Variants in PSMD8 observed in about 807,000 individuals in gnomAD.
PSMD8 encodes 26S proteasome non-ATPase regulatory subunit 8.
PSMD8 carries 30 observed loss-of-function variants against 40.0 expected under a neutral mutation model. That is an observed-to-expected ratio of 0.75 (90% CI 0.56 to 1.02). The LOEUF is 1.02. Among genes scored for constraint, PSMD8 ranks in the 50% least tolerant of loss-of-function variants. The pLI, the probability that PSMD8 is intolerant of heterozygous loss-of-function variation, is 0.00. For synonymous variants in PSMD8, 208 were observed against 192.5 expected, an observed-to-expected ratio of 1.08 and a Z score of -0.67; for missense variants, 461 against 463.9, an observed-to-expected ratio of 0.99 and a Z score of 0.06.
At chr19:38,376,266 T>A in intron 2 of PSMD8, 34 bp downstream of exon 2, 1 of 1,563,038 alleles carries the variant, frequency 6.4e-7, no homozygotes, top group Non-Finnish European at 8.7e-7. Flanking sequence ...GGGGTGATAA[T>A]CTGGGGGTCA....
At chr19:38,381,546 T>G (rs1970640534) in intron 5 of PSMD8, among the ~76,000 whole-genome samples, 1 of 152,124 alleles carries the variant, frequency 6.6e-6, no homozygotes, top group Non-Finnish European at 1.5e-5. Context: ...TTTCCATGCC[T>G]TAGGTGCAAA....
At chr19:38,382,344 G>C (rs770051448) in intron 6 of PSMD8, 116 bp downstream of exon 6, 32 of 807,114 alleles carry the variant, frequency 4.0e-5, no homozygotes, top group Admixed American at 2.2e-4. Context: ...GTTCAACTGT[G>C]TGACTCTAGG....
At chr19:38,377,291 C>T (rs967105572) in intron 3 of PSMD8, among the ~76,000 whole-genome samples, 5 of 151,574 alleles carry the variant, frequency 3.3e-5, no homozygotes, top group African/African-American at 9.7e-5. Flanking sequence ...TGGGCTCAAG[C>T]GGTACTCCTA....
At chr19:38,376,005 C>A (rs1210503051) in intron 1 of PSMD8, among the ~76,000 whole-genome samples, 155 bp from the exon 2 acceptor site, 1 of 152,184 alleles carries the variant, frequency 6.6e-6, no homozygotes, top group Non-Finnish European at 1.5e-5. Context: ...CGTGCTCAGG[C>A]CCTGTTCTGA....
Position 38,374,696 on chromosome 19 carries a change from C to T in PSMD8, c.95C>T (p.Ala32Val). The change falls in exon 1 of 7, where the codon GCC becomes GTC. Residue 32 changes from alanine to valine, a missense_variant. Coordinates refer to ENST00000215071, the MANE Select transcript of PSMD8 (RefSeq NM_002812.5). Reference sequence around the variant, plus strand: ...AGGCAGGTTGTAGCCCCGCCCCGGGCCTTGGGCTCCACCTCTCGGCCCCAC... The same window carrying T: ...AGGCAGGTTGTAGCCCCGCCCCGGGTCTTGGGCTCCACCTCTCGGCCCCAC... ...GLRQVVAPPR[A>V]LGSTSRPHFR... 1 of 1,544,244 alleles carries T rather than the reference C, an allele frequency of 6.5e-7. No homozygotes were observed. Among genetic ancestry groups the T allele is most frequent in the East Asian group, 2.4e-5 (1 of 41,012 alleles).
Position 38,383,433 on chromosome 19 carries a change from A to C in PSMD8, c.*43A>C. 1 of 1,611,394 alleles carries C rather than the reference A, an allele frequency of 6.2e-7. No homozygotes were observed. The highest frequency in any genetic ancestry group is 2.2e-5 in the East Asian group (1 of 44,830). ...TGGGGCAGGGCACGAGTTATTTAAA[A>C]CAGTTACACTGCAGGGTTTCGCCCA... is the stretch of plus-strand genomic sequence containing the variant. On this transcript the variant is annotated 3_prime_UTR_variant, in exon 7 of 7. Coordinates refer to ENST00000215071, the MANE Select transcript of PSMD8 (RefSeq NM_002812.5).
At chr19:38,379,777 C>T (rs1052851154) in intron 4 of PSMD8, among the ~76,000 whole-genome samples, 1 of 152,064 alleles carries the variant, frequency 6.6e-6, no homozygotes, top group Non-Finnish European at 1.5e-5. Context: ...AGTCAGAAGG[C>T]CTCACCTAAA....
chr19:38,374,664 C>T lies in PSMD8; in HGVS notation c.63C>T (p.Gly21=). The T allele has an allele frequency of 6.6e-7, 1 of 1,522,110 alleles. No homozygotes were observed. The highest frequency in any genetic ancestry group is 8.8e-7 in the Non-Finnish European group (1 of 1,140,748). The allele number at this position is 1,522,110 out of a possible 1,614,324, so 94.3% of individuals were successfully genotyped here. Residue 21 remains glycine, a synonymous_variant, in exon 1 of 7, where the codon GGC becomes GGT. Transcript: ENST00000215071. ...PPRERRRATR[G]GLRQVVAPPR... ...GAGAGCGACGGCGGGCTACCCGGGG[C>T]GGGCTGAGGCAGGTTGTAGCCCCGC... is the stretch of plus-strand genomic sequence containing the variant.
intron 3 of PSMD8, among the ~76,000 whole-genome samples, chr19:38,378,507 CAA>C (rs1228248417): frequency 2.8e-4 from 20 of 71,728 alleles, no homozygotes; most frequent in Admixed American, 6.7e-4. Flanking sequence ...GACTCCGTCT[CAA>C]AAAAAAAAAA....
Position 38,376,163 on chromosome 19 carries a change from G to A in PSMD8, c.364G>A (p.Val122Ile). The change falls in exon 2 of 7, where the codon GTT becomes ATT. Residue 122 changes from valine (V) to isoleucine (I), a missense_variant. Around this residue, in one of 2 missense-constraint regions of PSMD8, gnomAD observed 236 missense variants for 321.2 expected, o/e 0.73. Transcript: ENST00000215071. The part of the protein sequence containing the change: ...CGEELGRLKL[V>I]LLELNFLPTT... ...CCCTCCCTCCCCTCCCCATCAGCTAGTTCTTCTGGAGCTCAACTTCTTGCC... is the reference window on the plus strand; with the variant it reads ...CCCTCCCTCCCCTCCCCATCAGCTAATTCTTCTGGAGCTCAACTTCTTGCC... 6.2e-7 allele frequency: 1 copy of A among 1,601,178 alleles called. No homozygotes were observed. Among genetic ancestry groups the A allele is most frequent in the Non-Finnish European group, 8.5e-7 (1 of 1,170,454 alleles).
In PSMD8 at chr19:38,379,345, G is replaced by A; in HGVS notation, c.642G>A (p.Arg214=). Reference sequence around the variant, plus strand: ...CTGAGTTCCACACGGAGTTGGAGCGGCTGCCTGCCAAGGACATACAGACCA... The same window carrying A: ...CTGAGTTCCACACGGAGTTGGAGCGACTGCCTGCCAAGGACATACAGACCA... The part of the protein sequence containing the change: ...RVAEFHTELE[R]LPAKDIQTNV... Residue 214 remains arginine, a synonymous_variant, in exon 4 of 7, where the codon CGG becomes CGA. Coordinates refer to ENST00000215071, the MANE Select transcript of PSMD8 (RefSeq NM_002812.5). 3 of 1,614,014 alleles carry A rather than the reference G, an allele frequency of 1.9e-6. No individual in the cohort carries two copies. The highest frequency in any genetic ancestry group is 2.5e-6 in the Non-Finnish European group (3 of 1,179,886).
Position 38,374,630 on chromosome 19 carries a change from C to T in PSMD8, c.29C>T (p.Ala10Val). Residue 10 changes from alanine to valine, a missense_variant, in exon 1 of 7, where the codon GCG (alanine) becomes GTG (valine). This residue lies in a region of PSMD8 where 225 missense variants were observed against 142.7 expected (regional missense o/e 1.58). Transcript: ENST00000215071. Reference protein sequence around the residue: MFIKGRAPRAPPRERRRATR... With the variant: MFIKGRAPRVPPRERRRATR... ...TTCATTAAGGGCAGGGCTCCGAGGG[C>T]GCCACCTCGAGAGCGACGGCGGGCT... is the stretch of plus-strand genomic sequence containing the variant. 6.6e-7 allele frequency: 1 copy of T among 1,505,740 alleles called. No individual in the cohort carries two copies. Among genetic ancestry groups the T allele is most frequent in the Non-Finnish European group, 8.8e-7 (1 of 1,134,314 alleles). The allele number at this position is 1,505,740 out of a possible 1,614,324, so 93.3% of individuals were successfully genotyped here. A position where few individuals can be genotyped will look rare whatever the true frequency, so the allele number is the denominator to read the frequency against.
chr19:38,382,080 G>A (rs1174238806), intron 5 of PSMD8, 37 bp from the exon 6 acceptor site: 1 of 1,488,652 alleles, frequency 6.7e-7, no homozygotes, highest in Admixed American at 2.0e-5. Context: ...GGAGGTTGTT[G>A]ATGCTCAGTA....
At chr19:38,381,985 A>G (rs1407386153) in intron 5 of PSMD8, 132 bp from the exon 6 acceptor site, 4 of 658,232 alleles carry the variant, frequency 6.1e-6, no homozygotes, top group Non-Finnish European at 1.1e-5. Context: ...GATGAATAAA[A>G]CAGGGCCCTT....
At chr19:38,376,534 C>T (rs761466770) in intron 3 of PSMD8, 80 bp downstream of exon 3, 3 of 1,245,454 alleles carry the variant, frequency 2.4e-6, no homozygotes, top group Non-Finnish European at 3.4e-6. Flanking sequence ...CTGCTTGGGT[C>T]CTCTTCCTTC....
intron 1 of PSMD8, chr19:38,375,280 AT>A (rs1466282460): frequency 9.9e-3 from 2,853 of 287,452 alleles, no homozygotes; most frequent in South Asian, 0.017. Context: ...CTGTCTCTAC[AT>A]TTTTTTTTTA....
chr19:38,382,086 C>G (rs751495894), intron 5 of PSMD8, 31 bp from the exon 6 acceptor site: 2 of 1,507,436 alleles, frequency 1.3e-6, no homozygotes, highest in Admixed American at 3.9e-5. Context: ...TGTTGATGCT[C>G]AGTAATGAGG....
intron 1 of PSMD8, chr19:38,375,616 G>A (rs1970591409): frequency 5.5e-6 from 1 of 181,272 alleles, no homozygotes; most frequent in Admixed American, 5.4e-5. Flanking sequence ...TAGTTGTGAA[G>A]GCAGGACTGA....
intron 4 of PSMD8, 136 bp from the exon 5 acceptor site, chr19:38,380,763 G>A (rs540132433): frequency 1.7e-6 from 1 of 598,928 alleles, no homozygotes; most frequent in East Asian, 3.3e-5. Context: ...CTGGAAGAGG[G>A]GGTACCCAGG....
Sources: gnomAD v4.1 joint callset for allele counts (sites outside exome capture counted in the v4.1 genomes callset) on GRCh38, gnomAD v4.1.1 for gene constraint, gnomAD v4.1.1 regional missense constraint, MANE v1.5 for transcripts, NCBI Gene and HGNC (gene_info 2026-07-23, HGNC 2026-07-21) for gene names.